Variants in CLSTN2 observed in about 807,000 individuals in gnomAD.
The protein encoded by CLSTN2 is calsyntenin 2, also known as calsyntenin-2.
A neutral mutation model predicts 101.2 loss-of-function variants in CLSTN2; 48 were observed. That is an observed-to-expected ratio of 0.47 (90% CI 0.38 to 0.60). CLSTN2 has a LOEUF of 0.60. CLSTN2 is among the 20% of genes least tolerant of loss of function. The pLI, the probability that CLSTN2 is intolerant of heterozygous loss-of-function variation, is 0.00. For synonymous variants in CLSTN2, 481 were observed against 463.6 expected (o/e 1.04, Z -0.48); for missense variants, 1,160 against 1,238.2 (o/e 0.94, Z 0.95).
At chr3:140,022,778 G>A (rs76554630) in intron 1 of CLSTN2, among the ~76,000 whole-genome samples, 2,403 of 152,294 alleles carry the variant, frequency 0.016, 25 homozygotes, top group Middle Eastern at 0.048. Context: ...TAGAATCTTA[G>A]GTAGTTTTAT....
chr3:140,073,240 A>C (rs1048939420), intron 1 of CLSTN2, among the ~76,000 whole-genome samples: 1 of 152,192 alleles, frequency 6.6e-6, no homozygotes, highest in Non-Finnish European at 1.5e-5. Flanking sequence ...TGAAATTGTA[A>C]AGGTATAGAC....
At chr3:140,475,591 C>G (rs1033999501) in intron 8 of CLSTN2, among the ~76,000 whole-genome samples, 13 of 152,330 alleles carry the variant, frequency 8.5e-5, no homozygotes, top group Admixed American at 1.3e-4. Context: ...ACCCACTTCC[C>G]CTGCTTTCTC....
intron 2 of CLSTN2, among the ~76,000 whole-genome samples, chr3:140,372,728 A>T (rs2087872257): frequency 6.6e-6 from 1 of 152,202 alleles, no homozygotes; most frequent in East Asian, 1.9e-4. Context: ...GCTCTATAAA[A>T]GTGCAGCTCC....
chr3:139,935,616 C>A lies in CLSTN2; in HGVS notation c.109+133C>A. 1 of 430,080 alleles carries A rather than the reference C, an allele frequency of 2.3e-6. No individual in the cohort carries two copies. The highest frequency in any genetic ancestry group is 3.9e-6 in the Non-Finnish European group (1 of 257,622). The allele number at this position is 430,080 out of a possible 1,614,324, so 26.6% of individuals were successfully genotyped here. A position where few individuals can be genotyped will look rare whatever the true frequency, so the allele number is the denominator to read the frequency against. ...CCGCAGCTTCTTTGGCCTCTGTGCG[C>A]CCTGGATTCCCGAAGTCAGTTCCCT... On this transcript the variant is annotated intron_variant, in intron 1 of 16. Coordinates refer to ENST00000458420, the MANE Select transcript of CLSTN2 (RefSeq NM_022131.3). This position sits in a 1 kb window ranked among gnomAD's most constrained non-coding sequence, Gnocchi z 5.5.
At chr3:140,020,917 C>T (rs945447957) in intron 1 of CLSTN2, among the ~76,000 whole-genome samples, 12 of 152,142 alleles carry the variant, frequency 7.9e-5, no homozygotes, top group African/African-American at 2.4e-4. Flanking sequence ...TTCTAATTGC[C>T]GATGGAAAAT....
At chr3:140,316,490 G>A (rs1433519120) in intron 2 of CLSTN2, among the ~76,000 whole-genome samples, 2 of 152,090 alleles carry the variant, frequency 1.3e-5, no homozygotes, top group African/African-American at 4.8e-5. Flanking sequence ...TCTTTTCCAT[G>A]AAGCTCCTTC....
At chr3:139,940,946 T>C (rs1376440836) in intron 1 of CLSTN2, among the ~76,000 whole-genome samples, 15 of 152,126 alleles carry the variant, frequency 9.9e-5, no homozygotes, top group Non-Finnish European at 2.9e-5. Context: ...TGTGGTGTGA[T>C]CTGGGTTGTA....
At chr3:140,132,833 T>A (rs576559157) in intron 1 of CLSTN2, among the ~76,000 whole-genome samples, 1 of 152,346 alleles carries the variant, frequency 6.6e-6, no homozygotes, top group African/African-American at 2.4e-5. Flanking sequence ...GAGCAAAATT[T>A]ACCCCTTACT....
chr3:140,141,006 A>G (rs578139253), intron 1 of CLSTN2, among the ~76,000 whole-genome samples: 6 of 152,366 alleles, frequency 3.9e-5, no homozygotes, highest in Admixed American at 3.9e-4. Context: ...TCAAGGGCCC[A>G]AAGGCTCCTG....
chr3:140,343,625 A>G (rs80310579), intron 2 of CLSTN2, among the ~76,000 whole-genome samples: 3,029 of 152,300 alleles, frequency 0.02, 100 homozygotes, highest in African/African-American at 0.068. Flanking sequence ...ACCCAATATT[A>G]TCTATATTAG....
At chr3:140,122,518 G>C (rs1007377134) in intron 1 of CLSTN2, among the ~76,000 whole-genome samples, 31 of 152,202 alleles carry the variant, frequency 2.0e-4, no homozygotes, top group African/African-American at 7.0e-4. Context: ...CCAAGAAATG[G>C]ATTCTTAGAA....
chr3:139,997,596 G>A (rs1231019174), intron 1 of CLSTN2, among the ~76,000 whole-genome samples: 5 of 151,980 alleles, frequency 3.3e-5, no homozygotes, highest in Non-Finnish European at 5.9e-5. Flanking sequence ...TCTAGTTAAC[G>A]CCATTCTGCC....
chr3:140,236,247 A>C (rs1219525471), intron 2 of CLSTN2, among the ~76,000 whole-genome samples: 1 of 152,196 alleles, frequency 6.6e-6, no homozygotes, highest in East Asian at 1.9e-4. Flanking sequence ...AAACCTTAAC[A>C]TAGCCCTAAG....
intron 1 of CLSTN2, among the ~76,000 whole-genome samples, chr3:140,047,403 G>C (rs949025238): frequency 1.3e-4 from 19 of 151,624 alleles, no homozygotes; most frequent in African/African-American, 3.6e-4. Context: ...TATCTGTGTT[G>C]GTATATAAAG....
Position 140,524,237 on chromosome 3 carries a change from TGAAGTACCTGTA to T in CLSTN2, c.1345-8083_1345-8072del, listed in dbSNP as rs558429826. On this transcript the variant is annotated intron_variant, in intron 8 of 16. Transcript: ENST00000458420. ...AACTCAAACTTGGACACAGTGTGTTTGAAGTACCTGTAGAACATCCAAGTGGGGCAATTTGGA... is the reference window on the plus strand; with the variant it reads ...AACTCAAACTTGGACACAGTGTGTTTGAACATCCAAGTGGGGCAATTTGGA... 1.0e-3 allele frequency among the ~76,000 whole-genome samples: 156 copies of T among 152,310 alleles called. 1 individual carries two copies. The highest frequency in any genetic ancestry group is 2.0e-3 in the Admixed American group (31 of 15,302).
chr3:140,330,299 C>T (rs964168006), intron 2 of CLSTN2, among the ~76,000 whole-genome samples: 1 of 152,202 alleles, frequency 6.6e-6, no homozygotes, highest in Non-Finnish European at 1.5e-5. Context: ...ATCTCCACAT[C>T]TTTTTGAGTT....
intron 2 of CLSTN2, among the ~76,000 whole-genome samples, chr3:140,338,773 G>T (rs1196410556): frequency 2.0e-5 from 3 of 152,248 alleles, no homozygotes; most frequent in Non-Finnish European, 4.4e-5. Context: ...AGAAGGGGAA[G>T]TGTTGGTGGT....
intron 1 of CLSTN2, among the ~76,000 whole-genome samples, chr3:140,043,611 C>T (rs555103776): frequency 6.6e-6 from 1 of 152,264 alleles, no homozygotes; most frequent in African/African-American, 2.4e-5. Context: ...TGCCTATGTC[C>T]TGAATGGTAT....
Position 140,558,783 on chromosome 3 carries a change from T to C in CLSTN2, c.1967T>C (p.Val656Ala). The C allele has an allele frequency of 6.2e-7, 1 of 1,613,778 alleles. No individual in the cohort carries two copies. Among genetic ancestry groups the C allele is most frequent in the Non-Finnish European group, 8.5e-7 (1 of 1,179,956 alleles). The stretch of plus-strand genomic sequence containing the variant: ...GCCCAGTTTGAAAGTGCCAGGGGAG[T>C]GACCCTCTTCCCTGATATCAAGATT... ...PAAQFESARG[V>A]TLFPDIKIVS... The change falls in exon 12 of 17, where the codon GTG (valine) becomes GCG (alanine). Residue 656 changes from valine to alanine, a missense_variant. By Grantham distance (64) the Val-to-Ala change is moderately conservative. Transcript: ENST00000458420.
Sources: gnomAD v4.1 joint callset for allele counts (sites outside exome capture counted in the v4.1 genomes callset) on GRCh38, gnomAD v4.1.1 for gene constraint, Gnocchi (gnomAD v3.1) non-coding constraint, MANE v1.5 for transcripts, NCBI Gene and HGNC (gene_info 2026-07-23, HGNC 2026-07-21) for gene names.